Variants in SLC10A6 observed in about 807,000 individuals in gnomAD.
SLC10A6 encodes solute carrier family 10 member 6, also known as sodium-dependent organic anion transporter.
SLC10A6 carries 27 observed loss-of-function variants against 30.0 expected under a neutral mutation model. The observed-to-expected ratio is 0.90, with a 90% confidence interval of 0.66 to 1.24. The LOEUF (loss-of-function observed/expected upper bound fraction) is 1.24. Ranked by LOEUF, SLC10A6 falls within the 50% of genes most tolerant of loss-of-function variation. The probability of loss-of-function intolerance (pLI) is 0.00; values close to 1 mark genes in which losing one functional copy is unlikely to be tolerated. For missense variants in SLC10A6, 439 were observed against 457.0 expected, an observed-to-expected ratio of 0.96 and a Z score of 0.36; for synonymous variants, 166 against 173.8, an observed-to-expected ratio of 0.95 and a Z score of 0.36.
At chr4:86,845,384 A>G (rs1268007809) in intron 1 of SLC10A6, among the ~76,000 whole-genome samples, 2 of 152,236 alleles carry the variant, frequency 1.3e-5, no homozygotes, top group East Asian at 3.8e-4. Context: ...CTAGTGGAAT[A>G]AAAGAACCTG....
intron 1 of SLC10A6, chr4:86,837,660 T>C (rs1364204895): frequency 2.0e-6 from 2 of 982,782 alleles, no homozygotes; most frequent in Non-Finnish European, 2.4e-6. Flanking sequence ...ATTTTGTACC[T>C]ACCTGAGTGA....
intron 1 of SLC10A6, among the ~76,000 whole-genome samples, chr4:86,841,942 C>T (rs1272888714): frequency 6.6e-6 from 1 of 152,272 alleles, no homozygotes; most frequent in East Asian, 1.9e-4. Flanking sequence ...TTGTCTGCTG[C>T]CTTCCAATAA....
At chr4:86,835,616 A>T (rs1314798840) in intron 1 of SLC10A6, among the ~76,000 whole-genome samples, 1 of 151,932 alleles carries the variant, frequency 6.6e-6, no homozygotes, top group East Asian at 1.9e-4. Context: ...GCAGTGAGCC[A>T]CGATCATGCC....
Position 86,823,530 on chromosome 4 carries a change from C to T in SLC10A6, c.*158G>A, listed in dbSNP as rs1745917123. On this transcript the variant is annotated 3_prime_UTR_variant, in exon 6 of 6. Transcript: ENST00000273905. Reference sequence around the variant, plus strand: ...TGAAATGGGAATCTCCAAAAGTGATCCCATCACAATTCACAATCCACATGA... The same window carrying T: ...TGAAATGGGAATCTCCAAAAGTGATTCCATCACAATTCACAATCCACATGA... 10 of 606,286 alleles carry T rather than the reference C, an allele frequency of 1.6e-5. No homozygotes were observed. In the South Asian group the frequency reaches 2.6e-4, roughly 15 times the overall value. The allele number at this position is 606,286 out of a possible 1,614,324, so 37.6% of individuals were successfully genotyped here.
intron 5 of SLC10A6, among the ~76,000 whole-genome samples, chr4:86,824,312 G>A (rs753819536): frequency 7.9e-5 from 12 of 152,258 alleles, no homozygotes; most frequent in Admixed American, 1.3e-4. Context: ...TCCATGAGAA[G>A]GAAAGAAAAC....
At chr4:86,833,545 G>T in intron 1 of SLC10A6, 121 bp from the exon 2 acceptor site, 2 of 654,306 alleles carry the variant, frequency 3.1e-6, no homozygotes. Context: ...GCTCCTTGGA[G>T]CTCATTTCTC....
chr4:86,840,608 T>G (rs1746274403), intron 1 of SLC10A6, among the ~76,000 whole-genome samples: 1 of 152,220 alleles, frequency 6.6e-6, no homozygotes, highest in Non-Finnish European at 1.5e-5. Context: ...TTTTTTCTAT[T>G]AATATATTGA....
At chr4:86,836,052 C>T (rs977321888) in intron 1 of SLC10A6, among the ~76,000 whole-genome samples, 12 of 152,200 alleles carry the variant, frequency 7.9e-5, no homozygotes, top group South Asian at 4.1e-4. Flanking sequence ...GTGAGCCGGA[C>T]GAACCAAACC....
Position 86,842,850 on chromosome 4 carries a change from CTTT to C in SLC10A6, c.377+5886_377+5888del, listed in dbSNP as rs1560461882. On this transcript the variant is annotated intron_variant, in intron 1 of 5. Coordinates refer to ENST00000273905, the MANE Select transcript of SLC10A6 (RefSeq NM_197965.3). ...TCTTTCTTTCTTTCTTTCTTTCTTT[CTTT>C]CTTTCTTTCTTTCTTTCTTTCTTTT... 7.3e-4 allele frequency among the ~76,000 whole-genome samples: 25 copies of C among 34,220 alleles called. 1 individual carries two copies. The East Asian group carries it at 9.8e-3, about 13-fold the overall frequency. The allele number at this position is 34,220 out of a possible 152,430, so 22.4% of individuals were successfully genotyped here.
intron 1 of SLC10A6, chr4:86,837,551 C>A: frequency 2.1e-6 from 2 of 971,560 alleles, no homozygotes; most frequent in Non-Finnish European, 2.4e-6. Flanking sequence ...AGGATGAGAA[C>A]TGAAGAAATA....
At chr4:86,841,980 CTAGG>C (rs1441689589) in intron 1 of SLC10A6, among the ~76,000 whole-genome samples, 5 of 152,118 alleles carry the variant, frequency 3.3e-5, no homozygotes, top group African/African-American at 1.2e-4. Flanking sequence ...GCACTATGTG[CTAGG>C]TGTTATGTCT....
intron 1 of SLC10A6, among the ~76,000 whole-genome samples, chr4:86,842,783 C>CTCTTT (rs1746312475): frequency 7.3e-6 from 1 of 137,708 alleles, no homozygotes; most frequent in Non-Finnish European, 1.6e-5. Context: ...AAATGGACAC[C>CTCTTT]TCTTTTCTTT....
chr4:86,838,399 G>A (rs1352396356), intron 1 of SLC10A6, among the ~76,000 whole-genome samples: 4 of 152,124 alleles, frequency 2.6e-5, no homozygotes, highest in African/African-American at 9.7e-5. Context: ...ATAGTCTCAC[G>A]CTGCAGCATA....
chr4:86,828,398 G>A (rs577274207), intron 3 of SLC10A6, among the ~76,000 whole-genome samples: 3 of 152,174 alleles, frequency 2.0e-5, no homozygotes, highest in Admixed American at 6.5e-5. Flanking sequence ...TCTAAGTCTC[G>A]CTTTAGCATA....
chr4:86,834,042 T>C (rs1004596564), intron 1 of SLC10A6, among the ~76,000 whole-genome samples: 17 of 152,220 alleles, frequency 1.1e-4, no homozygotes, highest in African/African-American at 4.1e-4. Flanking sequence ...TGGCTGTTTG[T>C]CCTCTCCAAC....
rs532151452 is a variant in SLC10A6, at chr4:86,849,333, T to C, written c.-218A>G. 82 of 571,458 alleles carry C rather than the reference T, an allele frequency of 1.4e-4. No homozygotes were observed. Among genetic ancestry groups the C allele is most frequent in the Middle Eastern group, 9.3e-4 (2 of 2,158 alleles). The allele number at this position is 571,458 out of a possible 1,614,324, so 35.4% of individuals were successfully genotyped here. A position where few individuals can be genotyped will look rare whatever the true frequency, so the allele number is the denominator to read the frequency against. On this transcript the variant is annotated 5_prime_UTR_variant, in exon 1 of 6. Transcript: ENST00000273905. ...CAGGCATGAAACATATAATAAACTG[T>C]GGTAAGTAAGGCTTTCCACTTCTGT... is the stretch of plus-strand genomic sequence containing the variant.
intron 1 of SLC10A6, among the ~76,000 whole-genome samples, chr4:86,844,485 C>T (rs954597760): frequency 4.6e-5 from 7 of 152,184 alleles, no homozygotes; most frequent in African/African-American, 1.7e-4. Flanking sequence ...ATCGACTTTC[C>T]TAATCCATGA....
At chr4:86,837,269 A>AAGAAAGAG (rs1746206542) in intron 1 of SLC10A6, among the ~76,000 whole-genome samples, 2 of 110,710 alleles carry the variant, frequency 1.8e-5, no homozygotes, top group South Asian at 5.6e-4. Flanking sequence ...GAAAGAAAGA[A>AAGAAAGAG]AGAAAGAAAG....
Position 86,823,553 on chromosome 4 carries a change from T to C in SLC10A6, c.*135A>G. The C allele has an allele frequency of 2.8e-6, 2 of 705,734 alleles. No homozygotes were observed. Among genetic ancestry groups the C allele is most frequent in the Middle Eastern group, 4.1e-4 (1 of 2,446 alleles). The allele number at this position is 705,734 out of a possible 1,614,324, so 43.7% of individuals were successfully genotyped here. A position where few individuals can be genotyped will look rare whatever the true frequency, so the allele number is the denominator to read the frequency against. ...ATCCCATCACAATTCACAATCCACA[T>C]GAAAATATAAATATTCTAACATTGA... On this transcript the variant is annotated 3_prime_UTR_variant, in exon 6 of 6. Coordinates refer to ENST00000273905, the MANE Select transcript of SLC10A6 (RefSeq NM_197965.3).
Sources: allele counts gnomAD v4.1 joint callset (sites outside exome capture counted in the v4.1 genomes callset), GRCh38; gene constraint gnomAD v4.1.1; transcripts MANE v1.5; gene names NCBI Gene and HGNC (gene_info 2026-07-23, HGNC 2026-07-21).